DIP2C: variants seen among roughly 807,000 people sequenced by gnomAD.
DIP2C encodes DIP2 acetate--CoA ligase C (putative).
In DIP2C, 33 loss-of-function variants were observed where a neutral mutation model predicts 192.4. The observed-to-expected ratio is 0.17, with a 90% confidence interval of 0.13 to 0.23. The LOEUF is 0.23. DIP2C is among the 10% of genes least tolerant of loss of function. The pLI is 1.00. For synonymous variants in DIP2C, 979 were observed against 864.1 expected, an observed-to-expected ratio of 1.13 and a Z score of -2.33; for missense variants, 1,537 against 2,110.1, an observed-to-expected ratio of 0.73 and a Z score of 5.32.
rs547294821 is a variant in DIP2C at position 643,173 on chromosome 10, G to A, written c.85+46321C>T. Among the ~76,000 whole-genome samples, 14 of 145,520 alleles carry A rather than the reference G, an allele frequency of 9.6e-5. No homozygotes were observed. In the South Asian group the frequency reaches 1.7e-3, roughly 18 times the overall value. ...GTGGAGGTTGCAGTGACCCAAGATC[G>A]CGCCACTGCACTCCAGCCTGGGCAA... On this transcript the variant is annotated intron_variant, in intron 1 of 36. Coordinates refer to ENST00000280886, the MANE Select transcript of DIP2C (RefSeq NM_014974.3).
chr10:466,806 AG>A (rs1970238351), intron 3 of DIP2C, among the ~76,000 whole-genome samples: 1 of 142,248 alleles, frequency 7.0e-6, no homozygotes, highest in Admixed American at 7.4e-5. Context: ...TGGCCGTCAG[AG>A]AAATGCAAAT....
At chr10:588,708 G>A (rs754630079) in intron 1 of DIP2C, among the ~76,000 whole-genome samples, 1 of 152,218 alleles carries the variant, frequency 6.6e-6, no homozygotes, top group African/African-American at 2.4e-5. Flanking sequence ...TCCTCCAGCT[G>A]CCGTCCCGCA....
At chr10:682,286 G>T (rs1831163175) in intron 1 of DIP2C, among the ~76,000 whole-genome samples, 2 of 152,184 alleles carry the variant, frequency 1.3e-5, no homozygotes, top group African/African-American at 4.8e-5. Context: ...AACCCCAGGG[G>T]AGCCCCAAGT....
intron 9 of DIP2C, 148 bp downstream of exon 9, chr10:408,778 G>C: frequency 1.5e-6 from 1 of 670,274 alleles, no homozygotes; most frequent in East Asian, 2.7e-5. Context: ...TCTGTCCTGT[G>C]TAACTTACCA....
At chr10:528,487 A>G (rs1355984992) in intron 1 of DIP2C, among the ~76,000 whole-genome samples, 1 of 152,148 alleles carries the variant, frequency 6.6e-6, no homozygotes, top group Non-Finnish European at 1.5e-5. Context: ...TATTAACACC[A>G]AAAAGCCATA....
chr10:528,785 G>A (rs1174621160), intron 1 of DIP2C, among the ~76,000 whole-genome samples: 1 of 152,166 alleles, frequency 6.6e-6, no homozygotes, highest in Non-Finnish European at 1.5e-5. Context: ...GCTTCCACAG[G>A]TGAGGCCGGG....
chr10:501,185 C>T (rs1293142140), intron 1 of DIP2C, among the ~76,000 whole-genome samples: 2 of 152,186 alleles, frequency 1.3e-5, no homozygotes, highest in Non-Finnish European at 2.9e-5. Flanking sequence ...ATTCCTGGTG[C>T]AACATGTAAA....
chr10:564,246 G>A (rs985990654), intron 1 of DIP2C, among the ~76,000 whole-genome samples: 2 of 151,844 alleles, frequency 1.3e-5, no homozygotes, highest in Admixed American at 6.6e-5. Context: ...AGGCAGCAGC[G>A]TCTGGGTGAA....
intron 31 of DIP2C, among the ~76,000 whole-genome samples, chr10:321,351 G>C (rs1957000592): frequency 6.6e-6 from 1 of 152,230 alleles, no homozygotes; most frequent in Admixed American, 6.5e-5. Flanking sequence ...CCGAAGACCA[G>C]GACCCCCTCT....
chr10:490,982 C>T (rs1331548695), intron 1 of DIP2C, among the ~76,000 whole-genome samples: 1 of 152,180 alleles, frequency 6.6e-6, no homozygotes, highest in Non-Finnish European at 1.5e-5. Flanking sequence ...ATGTTGCAAT[C>T]CAGAGTTTCA....
At chr10:578,863 A>G (rs1424784503) in intron 1 of DIP2C, among the ~76,000 whole-genome samples, 1 of 152,160 alleles carries the variant, frequency 6.6e-6, no homozygotes, top group South Asian at 2.1e-4. Context: ...ACATAGGTAC[A>G]CTAACACACA....
chr10:433,838 A>G (rs1261301302), intron 4 of DIP2C, among the ~76,000 whole-genome samples: 2 of 152,228 alleles, frequency 1.3e-5, no homozygotes, highest in South Asian at 2.1e-4. Context: ...GAGTAATGAT[A>G]TACAGTTGAA....
intron 10 of DIP2C, among the ~76,000 whole-genome samples, chr10:396,647 G>A (rs955193562): frequency 3.9e-5 from 6 of 152,092 alleles, no homozygotes; most frequent in Non-Finnish European, 1.5e-5. Context: ...CTCCTCACTA[G>A]ATCCCAGGAC....
chr10:527,789 GAA>G (rs1847143153), intron 1 of DIP2C, among the ~76,000 whole-genome samples: 1 of 152,202 alleles, frequency 6.6e-6, no homozygotes, highest in Non-Finnish European at 1.5e-5. Flanking sequence ...AAATCCATAA[GAA>G]AGTCAAATGT....
At chr10:446,208 T>A (rs151042262) in intron 3 of DIP2C, among the ~76,000 whole-genome samples, 52 of 151,400 alleles carry the variant, frequency 3.4e-4, no homozygotes, top group African/African-American at 1.2e-3. Context: ...GGCATCTGTA[T>A]ACATCTGTTG....
At chr10:578,924 G>C (rs564653520) in intron 1 of DIP2C, among the ~76,000 whole-genome samples, 1 of 151,414 alleles carries the variant, frequency 6.6e-6, no homozygotes, top group Non-Finnish European at 1.5e-5. Context: ...TGTGCACATA[G>C]GCACACTGTA....
chr10:422,891 G>T lies in DIP2C; in HGVS notation c.537C>A (p.Ser179=), dbSNP rs772573502. 3 of 1,613,858 alleles carry T rather than the reference G, an allele frequency of 1.9e-6. No homozygotes were observed. Among genetic ancestry groups the T allele is most frequent in the Non-Finnish European group, 2.5e-6 (3 of 1,180,040 alleles). ...CCCCGCTGCCCCCGCTCTGCGTAGAGGACGAGGAGGTGGTGGACGTGGTGG... is the reference window on the plus strand; with the variant it reads ...CCCCGCTGCCCCCGCTCTGCGTAGATGACGAGGAGGTGGTGGACGTGGTGG... ...HGSTTSTTSS[S]STQSGGSGAA... The change falls in exon 5 of 37, where the codon TCC becomes TCA. Residue 179 remains serine (S), a synonymous_variant. Coordinates refer to ENST00000280886, the MANE Select transcript of DIP2C (RefSeq NM_014974.3).
chr10:374,326 C>A (rs1442205230), intron 17 of DIP2C, among the ~76,000 whole-genome samples: 3 of 152,178 alleles, frequency 2.0e-5, no homozygotes, highest in Non-Finnish European at 4.4e-5. Flanking sequence ...CCCAAAATAA[C>A]ATACTTTGCA....
chr10:660,946 G>A (rs201443014), intron 1 of DIP2C, among the ~76,000 whole-genome samples: 4 of 152,188 alleles, frequency 2.6e-5, no homozygotes, highest in African/African-American at 9.7e-5. Context: ...TAACACAAGT[G>A]CTAACAACAC....
Sources: allele counts gnomAD v4.1 joint callset (sites outside exome capture counted in the v4.1 genomes callset), GRCh38; gene constraint gnomAD v4.1.1; transcripts MANE v1.5; gene names NCBI Gene and HGNC (gene_info 2026-07-23, HGNC 2026-07-21).